NPAS3: variants seen among roughly 807,000 people sequenced by gnomAD.
NPAS3 encodes neuronal PAS domain protein 3.
NPAS3 carries 14 observed loss-of-function variants against 73.1 expected under a neutral mutation model. That is an observed-to-expected ratio of 0.19 (90% CI 0.13 to 0.30). The LOEUF is 0.30. NPAS3 is among the 10% of genes least tolerant of loss of function. NPAS3 has a pLI of 1.00. For missense variants in NPAS3, 1,096 were observed against 1,250.0 expected, an observed-to-expected ratio of 0.88 and a Z score of 1.86; for synonymous variants, 620 against 541.5, an observed-to-expected ratio of 1.14 and a Z score of -2.01.
At chr14:33,471,716 G>A (rs1037392809) in intron 4 of NPAS3, among the ~76,000 whole-genome samples, 1 of 152,194 alleles carries the variant, frequency 6.6e-6, no homozygotes, top group African/African-American at 2.4e-5. Context: ...AATAAAGGGG[G>A]AAATTACCAG....
intron 4 of NPAS3, among the ~76,000 whole-genome samples, chr14:33,477,368 C>T (rs78310508): frequency 0.045 from 6,865 of 152,160 alleles, 204 homozygotes; most frequent in African/African-American, 0.073. Flanking sequence ...CAGGGATCTA[C>T]GGGAAAAATC....
intron 1 of NPAS3, among the ~76,000 whole-genome samples, chr14:32,968,216 T>C (rs952277043): frequency 5.9e-5 from 9 of 152,154 alleles, no homozygotes; most frequent in African/African-American, 2.2e-4. Context: ...TCAAAATAGC[T>C]AGAAGAGAGG....
chr14:33,493,650 G>C, intron 4 of NPAS3, among the ~76,000 whole-genome samples: 1 of 152,100 alleles, frequency 6.6e-6, no homozygotes, highest in South Asian at 2.1e-4. Flanking sequence ...TGAAAATAGA[G>C]GGAGGGGCTA....
chr14:33,061,262 A>C (rs1047936394), intron 2 of NPAS3, among the ~76,000 whole-genome samples: 5 of 152,164 alleles, frequency 3.3e-5, no homozygotes, highest in Admixed American at 1.3e-4. Flanking sequence ...AACCTGATTG[A>C]CTGATTGCTA....
At chr14:32,967,772 G>GA (rs984904900) in intron 1 of NPAS3, among the ~76,000 whole-genome samples, 6 of 44,306 alleles carry the variant, frequency 1.4e-4, no homozygotes, top group African/African-American at 3.6e-4. Flanking sequence ...AACAGCATGT[G>GA]GGGGGGGGTC....
intron 8 of NPAS3, among the ~76,000 whole-genome samples, chr14:33,775,560 A>G (rs1474923149): frequency 2.6e-5 from 4 of 152,196 alleles, no homozygotes; most frequent in Non-Finnish European, 4.4e-5. Flanking sequence ...GAAACTGCCT[A>G]TCATTTCTGA....
At chr14:33,754,084 T>G (rs10142008) in intron 7 of NPAS3, among the ~76,000 whole-genome samples, 10,122 of 152,200 alleles carry the variant, frequency 0.067, 1,071 homozygotes, top group African/African-American at 0.23. Flanking sequence ...AGAAACATCC[T>G]CTTGGAGGTG....
intron 4 of NPAS3, among the ~76,000 whole-genome samples, chr14:33,459,145 C>T (rs559396225): frequency 1.3e-4 from 20 of 152,222 alleles, no homozygotes; most frequent in South Asian, 6.2e-4. Context: ...GCAGTGAGGA[C>T]GACCAGAGGT....
intron 2 of NPAS3, among the ~76,000 whole-genome samples, chr14:33,078,137 CA>C (rs1266086374): frequency 1.3e-5 from 2 of 148,438 alleles, no homozygotes; most frequent in Non-Finnish European, 3.0e-5. Context: ...AGACTGTTTC[CA>C]AAAAAAATAA....
intron 2 of NPAS3, among the ~76,000 whole-genome samples, chr14:33,149,282 C>T (rs185378967): frequency 6.0e-4 from 92 of 152,230 alleles, no homozygotes; most frequent in African/African-American, 1.5e-3. Flanking sequence ...CTTGTTATTC[C>T]GAAGTGTTCA....
At chr14:33,218,317 G>A (rs928005914) in intron 3 of NPAS3, among the ~76,000 whole-genome samples, 4 of 151,988 alleles carry the variant, frequency 2.6e-5, no homozygotes, top group East Asian at 1.9e-4. Flanking sequence ...TGTCTACCCC[G>A]GCTCTCAAAA....
chr14:33,544,887 A>G (rs10143361), intron 4 of NPAS3, among the ~76,000 whole-genome samples: 24,500 of 124,758 alleles, frequency 0.2, 2,571 homozygotes, highest in Middle Eastern at 0.25. Flanking sequence ...GTATGTATGT[A>G]TATATTGTGG....
intron 3 of NPAS3, among the ~76,000 whole-genome samples, chr14:33,266,865 C>G (rs2040840145): frequency 6.6e-6 from 1 of 152,148 alleles, no homozygotes; most frequent in South Asian, 2.1e-4. Context: ...TCTTATTGAT[C>G]AGCTTTAGAG....
intron 4 of NPAS3, among the ~76,000 whole-genome samples, chr14:33,549,377 A>C (rs1292114049): frequency 6.6e-6 from 1 of 152,128 alleles, no homozygotes; most frequent in Non-Finnish European, 1.5e-5. Flanking sequence ...GACCACAGGC[A>C]TGTGGCACCA....
At chr14:33,170,574 T>C (rs56035146) in intron 2 of NPAS3, among the ~76,000 whole-genome samples, 2 of 152,250 alleles carry the variant, frequency 1.3e-5, no homozygotes, top group Admixed American at 6.5e-5. Context: ...TCTATCAAAA[T>C]TGTAGGCAAT....
At chr14:33,365,069 C>A (rs937758668) in intron 3 of NPAS3, among the ~76,000 whole-genome samples, 1 of 151,110 alleles carries the variant, frequency 6.6e-6, no homozygotes, top group Non-Finnish European at 1.5e-5. Flanking sequence ...CCTGAAGTGC[C>A]CCCCCAAATT....
chr14:33,228,325 C>T (rs1377039246), intron 3 of NPAS3, among the ~76,000 whole-genome samples: 1 of 151,970 alleles, frequency 6.6e-6, no homozygotes, highest in Non-Finnish European at 1.5e-5. Flanking sequence ...TGTGTTTTGG[C>T]AGCTTGATGT....
In NPAS3 at chr14:33,474,844, C is replaced by T. The variant is rs1018704094; in HGVS notation, c.469-85277C>T. ...TAAAAATAAATAACTTTACTGATTACTTATGAAGTTCAAGTAGTCTTATGC... is the reference window on the plus strand; with the variant it reads ...TAAAAATAAATAACTTTACTGATTATTTATGAAGTTCAAGTAGTCTTATGC... On this transcript the variant is annotated intron_variant, in intron 4 of 11. Transcript: ENST00000356141. 2.6e-5 allele frequency among the ~76,000 whole-genome samples: 4 copies of T among 152,182 alleles called. No homozygotes were observed. The East Asian group carries it at 5.8e-4, about 22-fold the overall frequency.
intron 3 of NPAS3, among the ~76,000 whole-genome samples, chr14:33,340,167 A>G (rs527310656): frequency 3.7e-4 from 57 of 152,188 alleles, no homozygotes; most frequent in Non-Finnish European, 6.3e-4. Context: ...TGGTTTTTAT[A>G]TATAAGATTT....
Sources: gnomAD v4.1 joint callset for allele counts (sites outside exome capture counted in the v4.1 genomes callset) on GRCh38, gnomAD v4.1.1 for gene constraint, MANE v1.5 for transcripts, NCBI Gene and HGNC (gene_info 2026-07-23, HGNC 2026-07-21) for gene names.